The following WFS1 variants were observed in gnomAD, a reference collection of about 807,000 sequenced individuals.
WFS1 encodes the protein wolframin.
A neutral mutation model predicts 68.5 loss-of-function variants in WFS1; 90 were observed. The observed-to-expected ratio is 1.31, with a 90% confidence interval of 1.11 to 1.56. The LOEUF is 1.56. WFS1 is among the 40% of genes most tolerant of loss of function. The pLI is 0.00. For missense variants in WFS1, 1,767 were observed against 1,232.6 expected (o/e 1.43, Z -6.49); for synonymous variants, 860 against 540.7 (o/e 1.59, Z -8.19).
At chr4:6,298,424 T>C (rs1490764829) in intron 7 of WFS1, among the ~76,000 whole-genome samples, 2 of 152,238 alleles carry the variant, frequency 1.3e-5, no homozygotes, top group African/African-American at 4.8e-5. Flanking sequence ...TCTCTGCTCA[T>C]GTAGAAGGTT....
intron 1 of WFS1, among the ~76,000 whole-genome samples, chr4:6,271,897 TCTCC>T (rs1209037806): frequency 1.3e-5 from 2 of 152,140 alleles, no homozygotes; most frequent in Non-Finnish European, 2.9e-5. Flanking sequence ...TCACTCAGCC[TCTCC>T]CTCCTGTGTC....
chr4:6,277,598 C>T lies in WFS1; in HGVS notation c.143C>T (p.Ala48Val), dbSNP rs397517195. The T allele has an allele frequency of 7.6e-6, 12 of 1,575,320 alleles. No individual in the cohort carries two copies. Among genetic ancestry groups the T allele is most frequent in the Non-Finnish European group, 1.0e-5 (12 of 1,160,602 alleles). Residue 48 changes from alanine to valine, a missense_variant, in exon 2 of 8, where the codon GCT becomes GTT. Coordinates refer to ENST00000226760, the MANE Select transcript of WFS1 (RefSeq NM_006005.3). ...AGGCCCCGAGCACCCGGACCCCAGG[C>T]TGGCCCTGGCCCTGGTGTTAGAGAC... ...SERPRAPGPQ[A>V]GPGPGVRDAA...
chr4:6,280,234 C>T (rs752854), intron 2 of WFS1, among the ~76,000 whole-genome samples: 109,756 of 152,132 alleles, frequency 0.72, 40,193 homozygotes, highest in East Asian at 1. Flanking sequence ...TGTTGTCTGT[C>T]CTGATTTTTG....
At chr4:6,284,863 C>T (rs1237462762) in intron 2 of WFS1, among the ~76,000 whole-genome samples, 10 of 150,194 alleles carry the variant, frequency 6.7e-5, no homozygotes, top group African/African-American at 1.7e-4. Context: ...TGATCGCTCA[C>T]GCTGCTCTGT....
chr4:6,300,898 G>C lies in WFS1; in HGVS notation c.1103G>C (p.Ser368Thr), dbSNP rs397517194. Reference protein sequence around the residue: ...VICTLKVFQDSKAWENFRTLT... With the variant: ...VICTLKVFQDTKAWENFRTLT... ...TGCACCCTCAAGGTGTTCCAGGACA[G>C]CAAGGCCTGGGAGAACTTCCGCACC... Residue 368 changes from serine to threonine, a missense_variant, in exon 8 of 8, where the codon AGC becomes ACC. Physicochemically the swap from Ser to Thr is moderately conservative, Grantham distance 58. Coordinates refer to ENST00000226760, the MANE Select transcript of WFS1 (RefSeq NM_006005.3). The C allele has an allele frequency of 6.2e-7, 1 of 1,614,150 alleles. No individual in the cohort carries two copies. Among genetic ancestry groups the C allele is most frequent in the South Asian group, 1.1e-5 (1 of 91,076 alleles).
intron 2 of WFS1, among the ~76,000 whole-genome samples, chr4:6,285,266 G>C (rs774080949): frequency 2.7e-5 from 4 of 149,448 alleles, no homozygotes; most frequent in Non-Finnish European, 5.9e-5. Flanking sequence ...CCAGGGACGG[G>C]GACATCCAGG....
chr4:6,294,894 G>T (rs148487947), intron 6 of WFS1, 147 bp from the exon 7 acceptor site: 8 of 1,373,732 alleles, frequency 5.8e-6, no homozygotes, highest in Non-Finnish European at 6.1e-6. Context: ...CCCTCAGGCC[G>T]CCCAGGGAAG....
intron 2 of WFS1, among the ~76,000 whole-genome samples, chr4:6,285,456 C>T (rs1730287633): frequency 6.6e-6 from 1 of 152,142 alleles, no homozygotes; most frequent in Non-Finnish European, 1.5e-5. Context: ...TGTCCATCCA[C>T]AGGGCTGGAG....
At chr4:6,288,964 G>C (rs764638026) in intron 3 of WFS1, 23 bp from the exon 4 acceptor site, 29 of 1,604,638 alleles carry the variant, frequency 1.8e-5, no homozygotes, top group African/African-American at 4.0e-5. Flanking sequence ...GAATCTGGAG[G>C]CTGACTGGTG....
In WFS1 at chr4:6,279,180, C is replaced by T. The variant is rs546033435; in HGVS notation, c.232+1493C>T. 1.1e-4 allele frequency among the ~76,000 whole-genome samples: 17 copies of T among 152,310 alleles called. No homozygotes were observed. In the East Asian group the frequency reaches 3.3e-3, roughly 29 times the overall value. On this transcript the variant is annotated intron_variant, in intron 2 of 7. Coordinates refer to ENST00000226760, the MANE Select transcript of WFS1 (RefSeq NM_006005.3). ...CCGCAGGGAGGGCAGGGCCCAGGGT[C>T]CCTGCCAGTAGCAGCTGCTGCGAGA... is the stretch of plus-strand genomic sequence containing the variant.
rs371120298 is a variant in WFS1, at chr4:6,292,345, A to G, written c.712+348A>G. 1.6e-3 allele frequency among the ~76,000 whole-genome samples: 236 copies of G among 152,156 alleles called. 1 individual carries two copies. The highest frequency in any genetic ancestry group is 4.8e-3 in the African/African-American group (199 of 41,530). ...CTGGCGGGGGGGTCCTGAGTGGGGA[A>G]GGATGAGGAGGGCATTAGGGGAAGG... On this transcript the variant is annotated intron_variant, in intron 6 of 7. Transcript: ENST00000226760.
chr4:6,296,877 T>C (rs981657197), intron 7 of WFS1, among the ~76,000 whole-genome samples: 6 of 152,228 alleles, frequency 3.9e-5, no homozygotes, highest in Non-Finnish European at 7.3e-5. Flanking sequence ...CAGGCTGGAG[T>C]GCAGTGGCAC....
rs1730036467 is a variant in WFS1, at chr4:6,277,608, C to T, written c.153C>T (p.Gly51=). 6.3e-7 allele frequency: 1 copy of T among 1,575,748 alleles called. No homozygotes were observed. Among genetic ancestry groups the T allele is most frequent in the Non-Finnish European group, 8.6e-7 (1 of 1,160,874 alleles). Residue 51 remains glycine, a synonymous_variant, in exon 2 of 8, where the codon GGC becomes GGT. Transcript: ENST00000226760. ...CACCCGGACCCCAGGCTGGCCCTGGCCCTGGTGTTAGAGACGCAGCGGCCC... is the reference window on the plus strand; with the variant it reads ...CACCCGGACCCCAGGCTGGCCCTGGTCCTGGTGTTAGAGACGCAGCGGCCC... ...PRAPGPQAGP[G]PGVRDAAAPA...
At position 6,301,565 on chromosome 4, in the gene WFS1, G is replaced by C. The variant is rs71532858; in HGVS notation, c.1770G>C (p.Thr590=). ...VGVLQFARWF[T]SLELTKIAVT... The stretch of plus-strand genomic sequence containing the variant: ...TGCTGCAGTTCGCCCGGTGGTTCAC[G>C]TCTCTGGAGCTCACCAAGATCGCAG... The change falls in exon 8 of 8, where the codon ACG becomes ACC. Residue 590 remains threonine, a synonymous_variant. Transcript: ENST00000226760. 3.1e-6 allele frequency: 5 copies of C among 1,614,158 alleles called. No homozygotes were observed. Among genetic ancestry groups the C allele is most frequent in the Non-Finnish European group, 3.4e-6 (4 of 1,180,044 alleles).
rs1299034736 is a variant in WFS1 at position 6,302,132 on chromosome 4, G to C, written c.2337G>C (p.Val779=). The C allele has an allele frequency of 6.2e-7, 1 of 1,612,952 alleles. No individual in the cohort carries two copies. Among genetic ancestry groups the C allele is most frequent in the African/African-American group, 1.3e-5 (1 of 75,058 alleles). The change falls in exon 8 of 8, where the codon GTG becomes GTC. Residue 779 remains valine, a synonymous_variant. Coordinates refer to ENST00000226760, the MANE Select transcript of WFS1 (RefSeq NM_006005.3). ...KFDRYKFEIT[V]GMPFSSGADG... Reference sequence around the variant, plus strand: ...ACCGCTACAAGTTTGAGATTACCGTGGGCATGCCATTCAGCAGCGGCGCTG... The same window carrying C: ...ACCGCTACAAGTTTGAGATTACCGTCGGCATGCCATTCAGCAGCGGCGCTG...
chr4:6,287,483 C>T lies in WFS1; in HGVS notation c.315+308C>T, dbSNP rs894805741. The stretch of plus-strand genomic sequence containing the variant: ...CTGCAGCTGCCTGCTCAGTGCCACC[C>T]CTCAACATACACTGTGTATGCTGCC... On this transcript the variant is annotated intron_variant, in intron 3 of 7. Coordinates refer to ENST00000226760, the MANE Select transcript of WFS1 (RefSeq NM_006005.3). The surrounding 1 kb of genome is among the most constrained non-coding windows in gnomAD (Gnocchi z 6.4). 6.6e-6 allele frequency among the ~76,000 whole-genome samples: 1 copy of T among 152,218 alleles called. No individual in the cohort carries two copies. The highest frequency in any genetic ancestry group is 6.5e-5 in the Admixed American group (1 of 15,286).
At chr4:6,272,261 C>G (rs1378496746) in intron 1 of WFS1, among the ~76,000 whole-genome samples, 1 of 152,222 alleles carries the variant, frequency 6.6e-6, no homozygotes, top group Middle Eastern at 3.2e-3. Context: ...CAAGATGGAC[C>G]TACCCTCAGT....
rs1050831528 is a variant in WFS1 at position 6,291,828 on chromosome 4, C to A, written c.632-89C>A. 4 of 1,413,616 alleles carry A rather than the reference C, an allele frequency of 2.8e-6. No homozygotes were observed. In the Admixed American group the frequency reaches 7.9e-5, roughly 28 times the overall value. 87.6% of individuals were successfully genotyped at this position (1,413,616 alleles called of 1,614,324 possible). A position where few individuals can be genotyped will look rare whatever the true frequency, so the allele number is the denominator to read the frequency against. ...AGGATGCCCCTGGAACTGGCGTGCC[C>A]TAGGAACAGTGCGCCAGTTTCTGGT... On this transcript the variant is annotated intron_variant, in intron 5 of 7. Transcript: ENST00000226760.
intron 4 of WFS1, among the ~76,000 whole-genome samples, chr4:6,290,711 C>T (rs1158819352): frequency 6.6e-6 from 1 of 151,504 alleles, no homozygotes; most frequent in Non-Finnish European, 1.5e-5. Flanking sequence ...TCTCCCTCTC[C>T]CCGCTGTCCA....
Sources: allele counts gnomAD v4.1 joint callset (sites outside exome capture counted in the v4.1 genomes callset), GRCh38; gene constraint gnomAD v4.1.1; non-coding constraint Gnocchi (gnomAD v3.1); transcripts MANE v1.5; gene names NCBI Gene and HGNC (gene_info 2026-07-23, HGNC 2026-07-21).